The following SEPTIN3 variants were observed in gnomAD, a reference collection of about 807,000 sequenced individuals.
SEPTIN3 encodes the protein septin 3, also known as neuronal-specific septin-3.
A neutral mutation model predicts 45.1 loss-of-function variants in SEPTIN3; 15 were observed. That is an observed-to-expected ratio of 0.33 (90% confidence interval 0.22 to 0.51). SEPTIN3 has a LOEUF of 0.51. Ranked by LOEUF, SEPTIN3 falls within the 20% of genes least tolerant of loss-of-function variation. SEPTIN3 has a pLI of 0.97. For synonymous variants in SEPTIN3, 148 were observed against 164.8 expected (o/e 0.90, Z 0.78); for missense variants, 289 against 457.2 (o/e 0.63, Z 3.35).
chr22:41,984,845 C>CTTTTTTT (rs11380985), intron 3 of SEPTIN3, among the ~76,000 whole-genome samples: 5 of 100,656 alleles, frequency 5.0e-5, no homozygotes, highest in Non-Finnish European at 7.5e-5. Flanking sequence ...GTGGTTTTCC[C>CTTTTTTT]TTTTTTTTTT....
rs1382927753 is a variant in SEPTIN3, at chr22:41,976,683, C to A, written c.1504+3687C>A. ...GAGCCCGCGGGGGCGGCTCCTGGACCGCCCGCAGCGTGGACCCGGGACCAG... is the reference window on the plus strand; with the variant it reads ...GAGCCCGCGGGGGCGGCTCCTGGACAGCCCGCAGCGTGGACCCGGGACCAG... On this transcript the variant is annotated intron_variant, in intron 2 of 11. Transcript: ENST00000644076. This position sits in a 1 kb window ranked among gnomAD's most constrained non-coding sequence, Gnocchi z 5.8. 2 of 152,644 alleles carry A rather than the reference C, an allele frequency of 1.3e-5. No homozygotes were observed. Among genetic ancestry groups the A allele is most frequent in the Admixed American group, 6.5e-5 (1 of 15,272 alleles). 9.5% of individuals were successfully genotyped at this position (152,644 alleles called of 1,614,324 possible).
At position 41,981,500 on chromosome 22, in the gene SEPTIN3, G is replaced by A; in HGVS notation, c.1505-145G>A. 8.1e-6 allele frequency: 5 copies of A among 615,088 alleles called. No individual in the cohort carries two copies. The South Asian group carries it at 1.1e-4, about 14-fold the overall frequency. The allele number at this position is 615,088 out of a possible 1,614,324, so 38.1% of individuals were successfully genotyped here. ...GCCTCAGTCTCTTTGTCTATGAAAT[G>A]AGGGACCTGGACTGGATGATACTAA... On this transcript the variant is annotated intron_variant, in intron 2 of 11. Coordinates refer to ENST00000644076, the MANE Select transcript of SEPTIN3 (RefSeq NM_001363845.2).
intron 8 of SEPTIN3, among the ~76,000 whole-genome samples, chr22:41,992,269 C>T (rs1310082564): frequency 6.6e-6 from 1 of 152,124 alleles, no homozygotes; most frequent in Non-Finnish European, 1.5e-5. Context: ...ATCCCAGCTA[C>T]TCGGGAGGCT....
chr22:41,973,143 G>C (rs1434523155), intron 2 of SEPTIN3, 147 bp downstream of exon 2: 1 of 396,312 alleles, frequency 2.5e-6, no homozygotes, highest in Non-Finnish European at 4.4e-6. Flanking sequence ...AAAGGAAATG[G>C]GGGTTGTAGG....
At chr22:41,985,211 A>G (rs568920584) in intron 3 of SEPTIN3, among the ~76,000 whole-genome samples, 3 of 152,148 alleles carry the variant, frequency 2.0e-5, no homozygotes, top group Admixed American at 6.6e-5. Context: ...TTGAAATGAA[A>G]TCTTCTGCAG....
intron 3 of SEPTIN3, chr22:41,982,298 C>T (rs1361878175): frequency 1.9e-5 from 3 of 157,494 alleles, no homozygotes; most frequent in Non-Finnish European, 2.8e-5. Context: ...CACCTGAGGT[C>T]GGGAGTTTGA....
chr22:41,994,412 A>T lies in SEPTIN3; in HGVS notation c.2411+71A>T. 6.4e-7 allele frequency: 1 copy of T among 1,555,984 alleles called. No homozygotes were observed. The highest frequency in any genetic ancestry group is 8.9e-7 in the Non-Finnish European group (1 of 1,129,402). On this transcript the variant is annotated intron_variant, in intron 10 of 11. Transcript: ENST00000644076. The surrounding 1 kb of genome is among the most constrained non-coding windows in gnomAD (Gnocchi z 4.2). ...TTGGGGTCAGGGTCTATCTGTTCAG[A>T]TTCACCTCCTGCATCTCCAGGTCTC...
Position 41,994,280 on chromosome 22 carries a change from T to TTGTTC in SEPTIN3, c.2360-9_2360-5dup. The TTGTTC allele has an allele frequency of 6.2e-7, 1 of 1,613,700 alleles. No individual in the cohort carries two copies. The highest frequency in any genetic ancestry group is 8.5e-7 in the Non-Finnish European group (1 of 1,179,964). ...ACTACCTGTTTTGCTTTGTTTTGTT[T>TTGTTC]TGTTCATAGTGGAAAACCTCAACCA... On this transcript the variant is annotated splice_polypyrimidine_tract_variant and intron_variant, in intron 9 of 11. Transcript: ENST00000644076. The surrounding 1 kb of genome is among the most constrained non-coding windows in gnomAD (Gnocchi z 4.2).
chr22:41,978,898 G>GAGGAGT (rs2078073844), intron 2 of SEPTIN3, among the ~76,000 whole-genome samples: 1 of 148,498 alleles, frequency 6.7e-6, no homozygotes, highest in South Asian at 2.1e-4. Flanking sequence ...AATGCTGGAG[G>GAGGAGT]AGGAGGAGGA....
chr22:41,985,540 AC>A (rs1235912068), intron 3 of SEPTIN3: 1 of 163,430 alleles, frequency 6.1e-6, no homozygotes, highest in African/African-American at 2.4e-5. Context: ...TTCAGGATCC[AC>A]AGGGCTGATA....
intron 3 of SEPTIN3, among the ~76,000 whole-genome samples, chr22:41,983,159 T>C (rs552758583): frequency 5.3e-5 from 8 of 152,236 alleles, no homozygotes; most frequent in Non-Finnish European, 7.3e-5. Context: ...GTCAAAGTGC[T>C]GACCTGCAGC....
Position 41,976,923 on chromosome 22 carries a change from G to A in SEPTIN3, c.1504+3927G>A. 4.3e-6 allele frequency: 2 copies of A among 467,740 alleles called. No individual in the cohort carries two copies. Among genetic ancestry groups the A allele is most frequent in the Non-Finnish European group, 6.0e-6 (2 of 334,510 alleles). 29.0% of individuals were successfully genotyped at this position (467,740 alleles called of 1,614,324 possible). On this transcript the variant is annotated intron_variant, in intron 2 of 11. Coordinates refer to ENST00000644076, the MANE Select transcript of SEPTIN3 (RefSeq NM_001363845.2). The surrounding 1 kb of genome is among the most constrained non-coding windows in gnomAD (Gnocchi z 5.8). The stretch of plus-strand genomic sequence containing the variant: ...GCAGGGGCGGCGCGGCGGGGCCGCG[G>A]GCCGGGCGGGTGGGAGGAGAGCGCG...
intron 2 of SEPTIN3, chr22:41,977,131 A>G (rs973374025): frequency 6.4e-7 from 1 of 1,554,176 alleles, no homozygotes; most frequent in Non-Finnish European, 8.7e-7. Flanking sequence ...GGCCCCGGCC[A>G]GCGCGGCTGG....
rs1453173146 is a variant in SEPTIN3 at position 41,990,464 on chromosome 22, A to G, written c.2163+780A>G. On this transcript the variant is annotated intron_variant, in intron 7 of 11. Transcript: ENST00000644076. ...GCTGCCTTTAAGAAATTTACAATCC[A>G]GTTGGGCGTGGTGGCTCATGCCTGT... Among the ~76,000 whole-genome samples, 4 of 150,570 alleles carry G rather than the reference A, an allele frequency of 2.7e-5. 1 individual carries two copies. The highest frequency in any genetic ancestry group is 2.7e-4 in the Admixed American group (4 of 15,092).
intron 7 of SEPTIN3, among the ~76,000 whole-genome samples, chr22:41,990,700 C>A (rs1429271142): frequency 7.4e-6 from 1 of 134,866 alleles, no homozygotes; most frequent in South Asian, 2.4e-4. Context: ...GAGCTGAGAT[C>A]GTGCTACTGT....
rs2146728230 is a variant in SEPTIN3 at position 41,994,705 on chromosome 22, C to G, written c.2496C>G (p.Gly832=). ...CCAAGCGGCTCAATGACAATGGAGGCCTCCCTCCGGTGAGCGTGGACACAG... is the reference window on the plus strand; with the variant it reads ...CCAAGCGGCTCAATGACAATGGAGGGCTCCCTCCGGTGAGCGTGGACACAG... ...YRAKRLNDNG[G]LPPGEGLLGT... Residue 832 remains glycine (G), a synonymous_variant, in exon 11 of 12, where the codon GGC becomes GGG. Transcript: ENST00000644076. The surrounding 1 kb of genome is among the most constrained non-coding windows in gnomAD (Gnocchi z 4.2). 1 of 1,614,160 alleles carries G rather than the reference C, an allele frequency of 6.2e-7. No homozygotes were observed. The highest frequency in any genetic ancestry group is 8.5e-7 in the Non-Finnish European group (1 of 1,180,028).
chr22:41,981,491 C>T (rs1602413735), intron 2 of SEPTIN3, 154 bp from the exon 3 acceptor site: 3 of 605,290 alleles, frequency 5.0e-6, no homozygotes, highest in South Asian at 4.5e-5. Flanking sequence ...GTCTCTTTGT[C>T]TATGAAATGA....
rs1362180690 is a variant in SEPTIN3, at chr22:41,989,550, C to G, written c.2046-17C>G. ...GGGCAAGGTGGCTCTGATGATTCTG[C>G]CTTTTCTGTGCCCCAGCTTGCGACC... On this transcript the variant is annotated splice_polypyrimidine_tract_variant and intron_variant, in intron 6 of 11. Coordinates refer to ENST00000644076, the MANE Select transcript of SEPTIN3 (RefSeq NM_001363845.2). 7 of 1,580,542 alleles carry G rather than the reference C, an allele frequency of 4.4e-6. No individual in the cohort carries two copies. In the African/African-American group the frequency reaches 6.7e-5, roughly 15 times the overall value.
chr22:41,974,460 C>G (rs1460146639), intron 2 of SEPTIN3, among the ~76,000 whole-genome samples: 1 of 151,932 alleles, frequency 6.6e-6, no homozygotes, highest in East Asian at 1.9e-4. Context: ...GTCAGGAGAT[C>G]AAGACCATCC....
Sources: gnomAD v4.1 joint callset for allele counts (sites outside exome capture counted in the v4.1 genomes callset) on GRCh38, gnomAD v4.1.1 for gene constraint, Gnocchi (gnomAD v3.1) non-coding constraint, MANE v1.5 for transcripts, NCBI Gene and HGNC (gene_info 2026-07-23, HGNC 2026-07-21) for gene names.